SSBP2: variants seen among roughly 807,000 people sequenced by gnomAD.
The protein encoded by SSBP2 is single-stranded DNA-binding protein 2.
In SSBP2, 17 loss-of-function variants were observed where a neutral mutation model predicts 61.8. The observed-to-expected ratio is 0.28, with a 90% CI of 0.19 to 0.41. The LOEUF is 0.41. SSBP2 is among the 10% of genes least tolerant of loss of function. The pLI is 1.00. For synonymous variants in SSBP2, 139 were observed against 141.3 expected (o/e 0.98, Z 0.12); for missense variants, 310 against 458.7 (o/e 0.68, Z 2.96).
At chr5:81,678,589 TA>T (rs1221281465) in intron 1 of SSBP2, among the ~76,000 whole-genome samples, 1 of 151,596 alleles carries the variant, frequency 6.6e-6, no homozygotes, top group Non-Finnish European at 1.5e-5. Flanking sequence ...CCAAGCATGA[TA>T]AAGGACAAAA....
At chr5:81,492,631 A>T (rs985067843) in intron 5 of SSBP2, among the ~76,000 whole-genome samples, 3 of 151,794 alleles carry the variant, frequency 2.0e-5, no homozygotes, top group Non-Finnish European at 4.4e-5. Context: ...GTTTGAAGGT[A>T]TCATGATGGT....
chr5:81,462,370 G>C (rs1764602145), intron 9 of SSBP2, among the ~76,000 whole-genome samples: 1 of 152,164 alleles, frequency 6.6e-6, no homozygotes, highest in African/African-American at 2.4e-5. Flanking sequence ...ATTTAGAACA[G>C]TTTTTAGTTT....
chr5:81,550,124 G>A (rs372568422), intron 4 of SSBP2, among the ~76,000 whole-genome samples: 7 of 152,258 alleles, frequency 4.6e-5, no homozygotes, highest in South Asian at 2.1e-4. Flanking sequence ...AAACATCAAC[G>A]TATGCATTTT....
chr5:81,698,218 T>TG (rs1476826164), intron 1 of SSBP2, among the ~76,000 whole-genome samples: 2 of 152,212 alleles, frequency 1.3e-5, no homozygotes, highest in Non-Finnish European at 2.9e-5. Context: ...AAGATTTTTT[T>TG]GGCATATCAA....
rs142284665 is a variant in SSBP2 at position 81,537,027 on chromosome 5, T to C, written c.283-23310A>G. On this transcript the variant is annotated intron_variant, in intron 4 of 16. Coordinates refer to ENST00000320672, the MANE Select transcript of SSBP2 (RefSeq NM_012446.5). ...TCAAAAAAAAAAAAAATTGTAGCAA[T>C]TGATTTCTGTTTTAGGAAAGATTAG... Among the ~76,000 whole-genome samples, 1,509 of 152,024 alleles carry C rather than the reference T, an allele frequency of 9.9e-3. 8 individuals are homozygous for C. The highest frequency in any genetic ancestry group is 0.017 in the Non-Finnish European group (1,166 of 67,938).
At chr5:81,508,264 C>G (rs564757019) in intron 5 of SSBP2, among the ~76,000 whole-genome samples, 63 of 152,182 alleles carry the variant, frequency 4.1e-4, no homozygotes, top group Non-Finnish European at 7.2e-4. Flanking sequence ...GGATCCCAAG[C>G]AGCAAGACTT....
chr5:81,531,194 C>T (rs1580934984), intron 4 of SSBP2, among the ~76,000 whole-genome samples: 1 of 143,094 alleles, frequency 7.0e-6, no homozygotes, highest in Non-Finnish European at 1.5e-5. Context: ...GCCATGACTG[C>T]ACTCAGCCTG....
intron 4 of SSBP2, among the ~76,000 whole-genome samples, chr5:81,524,102 A>G (rs1288424588): frequency 6.6e-6 from 1 of 152,004 alleles, no homozygotes; most frequent in Non-Finnish European, 1.5e-5. Context: ...TAAACTGGAT[A>G]ATTATAGTCA....
At chr5:81,740,604 G>A (rs1316246794) in intron 1 of SSBP2, among the ~76,000 whole-genome samples, 2 of 152,110 alleles carry the variant, frequency 1.3e-5, no homozygotes, top group African/African-American at 4.8e-5. Flanking sequence ...ACGCTGCTTG[G>A]AAGAGACAAC....
At chr5:81,517,100 T>C (rs149671541) in intron 4 of SSBP2, among the ~76,000 whole-genome samples, 115 of 152,228 alleles carry the variant, frequency 7.6e-4, no homozygotes, top group African/African-American at 2.7e-3. Context: ...AAATCCTTTA[T>C]TATATAATAT....
At position 81,419,271 on chromosome 5, in the gene SSBP2, C is replaced by T. The variant is rs1386451088; in HGVS notation, c.*1233G>A. 6.6e-6 allele frequency: 1 copy of T among 152,144 alleles called. No individual in the cohort carries two copies. Among genetic ancestry groups the T allele is most frequent in the Non-Finnish European group, 1.5e-5 (1 of 68,010 alleles). 9.4% of individuals were successfully genotyped at this position (152,144 alleles called of 1,614,324 possible). Reference sequence around the variant, plus strand: ...TCAATGATTTGCTCCTGAATAAAAGCCTTATATTCCAGGAACAGAGCAGAG... The same window carrying T: ...TCAATGATTTGCTCCTGAATAAAAGTCTTATATTCCAGGAACAGAGCAGAG... On this transcript the variant is annotated 3_prime_UTR_variant, in exon 17 of 17. Transcript: ENST00000320672.
At chr5:81,603,552 C>T (rs148282216) in intron 4 of SSBP2, among the ~76,000 whole-genome samples, 22 of 152,280 alleles carry the variant, frequency 1.4e-4, no homozygotes, top group African/African-American at 5.1e-4. Flanking sequence ...ATGGCAGGTA[C>T]TGTCACCATC....
intron 1 of SSBP2, among the ~76,000 whole-genome samples, chr5:81,732,861 T>C (rs138273788): frequency 0.013 from 1,955 of 152,338 alleles, 20 homozygotes; most frequent in South Asian, 0.028. Context: ...CCTCACCCGC[T>C]GCTCAGCTAT....
At chr5:81,623,950 G>A (rs1292979610) in intron 3 of SSBP2, among the ~76,000 whole-genome samples, 2 of 152,082 alleles carry the variant, frequency 1.3e-5, no homozygotes, top group African/African-American at 2.4e-5. Flanking sequence ...ACATGATCTT[G>A]TTTAACATAG....
Position 81,446,914 on chromosome 5 carries a change from T to TGGA in SSBP2, c.729_731dup (p.Pro244dup), listed in dbSNP as rs750208602. The stretch of plus-strand genomic sequence containing the variant: ...GTGTTCCTGGTGGCCCTCCACCTCC[T>TGGA]GGAGGACCCTAAATAATTATACAAA... On this transcript the variant is annotated inframe_insertion, in exon 12 of 17. Coordinates refer to ENST00000320672, the MANE Select transcript of SSBP2 (RefSeq NM_012446.5). The TGGA allele has an allele frequency of 2.5e-6, 4 of 1,601,722 alleles. No homozygotes were observed. Among genetic ancestry groups the TGGA allele is most frequent in the Non-Finnish European group, 8.5e-7 (1 of 1,174,872 alleles).
At chr5:81,566,590 G>T (rs1418012478) in intron 4 of SSBP2, among the ~76,000 whole-genome samples, 1 of 152,134 alleles carries the variant, frequency 6.6e-6, no homozygotes. Flanking sequence ...TCAGCAGCAT[G>T]AAAACTAATA....
At chr5:81,745,581 CA>C (rs1757303722) in intron 1 of SSBP2, among the ~76,000 whole-genome samples, 1 of 151,994 alleles carries the variant, frequency 6.6e-6, no homozygotes, top group Admixed American at 6.6e-5. Context: ...CACTAGCATG[CA>C]AATATATAAT....
chr5:81,484,502 A>T (rs899532100), intron 6 of SSBP2, among the ~76,000 whole-genome samples: 1 of 152,134 alleles, frequency 6.6e-6, no homozygotes, highest in African/African-American at 2.4e-5. Flanking sequence ...ATTCAAAGTC[A>T]TAAGAAAATA....
intron 4 of SSBP2, among the ~76,000 whole-genome samples, chr5:81,514,216 T>G (rs1390669056): frequency 6.6e-6 from 1 of 152,126 alleles, no homozygotes; most frequent in Non-Finnish European, 1.5e-5. Flanking sequence ...ACACTCATAT[T>G]ATTCACTTTC....
Sources: gnomAD v4.1 joint callset for allele counts (sites outside exome capture counted in the v4.1 genomes callset) on GRCh38, gnomAD v4.1.1 for gene constraint, MANE v1.5 for transcripts, NCBI Gene and HGNC (gene_info 2026-07-23, HGNC 2026-07-21) for gene names.